Variants in TRIP4 observed in about 807,000 individuals in gnomAD.
The protein encoded by TRIP4 is activating signal cointegrator 1.
Under a neutral mutation model 81.8 loss-of-function variants are expected in TRIP4, and 54 were observed. The observed-to-expected ratio is 0.66, with a 90% confidence interval of 0.53 to 0.83. The LOEUF is 0.83. TRIP4 is among the 40% of genes least tolerant of loss of function. The probability of loss-of-function intolerance (pLI) is 0.00; values close to 1 mark genes in which losing one functional copy is unlikely to be tolerated. For missense variants in TRIP4, 662 were observed against 683.6 expected (o/e 0.97, Z 0.35); for synonymous variants, 270 against 242.8 (o/e 1.11, Z -1.04).
intron 12 of TRIP4, 101 bp from the exon 13 acceptor site, chr15:64,454,896 A>G (rs1892851334): frequency 9.8e-7 from 1 of 1,020,632 alleles, no homozygotes. Flanking sequence ...AAGATAATTG[A>G]ATGTGACAGG....
rs989592467 is a variant in TRIP4, at chr15:64,446,354, A to G, written c.1678+1246A>G. ...ACCACTTCCCACATTTCTCTTCATTATTGGTTCCCAGAGTACAGCCTTGGC... is the reference window on the plus strand; with the variant it reads ...ACCACTTCCCACATTTCTCTTCATTGTTGGTTCCCAGAGTACAGCCTTGGC... On this transcript the variant is annotated intron_variant, in intron 12 of 12. Coordinates refer to ENST00000261884, the MANE Select transcript of TRIP4 (RefSeq NM_016213.5). Among the ~76,000 whole-genome samples the G allele has an allele frequency of 4.0e-5, 6 of 151,188 alleles. No individual in the cohort carries two copies. The East Asian group carries it at 1.2e-3, about 29-fold the overall frequency.
intron 12 of TRIP4, among the ~76,000 whole-genome samples, chr15:64,446,813 G>A (rs551559906): frequency 2.0e-4 from 31 of 151,574 alleles, no homozygotes; most frequent in African/African-American, 4.6e-4. Flanking sequence ...GTCTCAAAAC[G>A]CATATAGTGG....
intron 4 of TRIP4, 107 bp downstream of exon 4, chr15:64,397,925 G>C: frequency 7.2e-6 from 9 of 1,254,198 alleles, no homozygotes; most frequent in Non-Finnish European, 8.8e-6. Flanking sequence ...GGTTGAGACG[G>C]AGTCTCACTT....
At chr15:64,395,595 C>T (rs1306835155) in intron 3 of TRIP4, 64 bp downstream of exon 3, 1 of 1,528,514 alleles carries the variant, frequency 6.5e-7, no homozygotes, top group African/African-American at 1.4e-5. Flanking sequence ...TAATACATTT[C>T]AGAGAGCAAA....
At chr15:64,421,395 G>A (rs1892009871) in intron 9 of TRIP4, among the ~76,000 whole-genome samples, 2 of 150,644 alleles carry the variant, frequency 1.3e-5, no homozygotes, top group Non-Finnish European at 3.0e-5. Context: ...GGAGTGCAGT[G>A]GCATGATCTC....
At chr15:64,400,219 G>T (rs72741303) in intron 4 of TRIP4, among the ~76,000 whole-genome samples, 7,309 of 151,632 alleles carry the variant, frequency 0.048, 232 homozygotes, top group South Asian at 0.087. Flanking sequence ...GAGGAGGGAA[G>T]ACTGCTTGAG....
At chr15:64,436,982 C>T (rs1425768571) in intron 11 of TRIP4, among the ~76,000 whole-genome samples, 3 of 151,580 alleles carry the variant, frequency 2.0e-5, no homozygotes, top group Non-Finnish European at 4.4e-5. Context: ...GCTGGGATTA[C>T]AGGCATGAGC....
intron 7 of TRIP4, among the ~76,000 whole-genome samples, chr15:64,413,168 C>T (rs932732119): frequency 6.6e-6 from 1 of 152,074 alleles, no homozygotes; most frequent in African/African-American, 2.4e-5. Context: ...CCATAGAATA[C>T]TCTTCTGTGG....
intron 8 of TRIP4, among the ~76,000 whole-genome samples, chr15:64,416,669 T>G (rs1891897019): frequency 6.6e-6 from 1 of 152,200 alleles, no homozygotes; most frequent in Non-Finnish European, 1.5e-5. Context: ...TAGTCAATTC[T>G]GCCTTATGTT....
intron 8 of TRIP4, among the ~76,000 whole-genome samples, chr15:64,418,166 C>G (rs1891928157): frequency 2.6e-5 from 4 of 152,134 alleles, no homozygotes; most frequent in Admixed American, 2.0e-4. Flanking sequence ...GGCTGGAGTG[C>G]AGTGGCACAA....
chr15:64,434,434 G>A (rs1296411007), intron 11 of TRIP4, among the ~76,000 whole-genome samples: 6 of 151,364 alleles, frequency 4.0e-5, no homozygotes, highest in Non-Finnish European at 8.8e-5. Flanking sequence ...AGGTAGGTTT[G>A]TTCAGATGAT....
At chr15:64,446,110 T>C (rs2140314041) in intron 12 of TRIP4, among the ~76,000 whole-genome samples, 1 of 151,992 alleles carries the variant, frequency 6.6e-6, no homozygotes, top group East Asian at 2.0e-4. Context: ...CCGTCTCTAC[T>C]GAAAATACAA....
In TRIP4 at chr15:64,455,090, A is replaced by C. The variant is rs764515693; in HGVS notation, c.*26A>C. The C allele has an allele frequency of 6.2e-7, 1 of 1,607,720 alleles. No homozygotes were observed. The highest frequency in any genetic ancestry group is 8.5e-7 in the Non-Finnish European group (1 of 1,176,140). The stretch of plus-strand genomic sequence containing the variant: ...CCCAGGAGAAAAGGAACTATACAGC[A>C]TAGTGGAGTTTTGTGTACTAAAATT... On this transcript the variant is annotated 3_prime_UTR_variant, in exon 13 of 13. Transcript: ENST00000261884.
chr15:64,393,962 G>A lies in TRIP4; in HGVS notation c.118G>A (p.Glu40Lys). The change falls in exon 2 of 13, where the codon GAG (glutamate) becomes AAG (lysine). Residue 40 changes from glutamate (E) to lysine (K), a missense_variant. Physicochemically the swap from Glu to Lys is moderately conservative, Grantham distance 56. Coordinates refer to ENST00000261884, the MANE Select transcript of TRIP4 (RefSeq NM_016213.5). ...CCTCCTGAGGTACGTTTTGTCAATT[G>A]AGAGTGCTGAAGAGATACGAGAATA... ...EEIIQYVLSI[E>K]SAEEIREYVT... 1.3e-6 allele frequency: 2 copies of A among 1,587,520 alleles called. No homozygotes were observed. Among genetic ancestry groups the A allele is most frequent in the East Asian group, 2.3e-5 (1 of 43,756 alleles).
intron 3 of TRIP4, among the ~76,000 whole-genome samples, chr15:64,396,157 C>A (rs1263957264): frequency 6.6e-6 from 1 of 152,024 alleles, no homozygotes; most frequent in Non-Finnish European, 1.5e-5. Context: ...AATCCACCCA[C>A]CTTGGCCTCC....
chr15:64,450,319 G>A (rs2140317007), intron 12 of TRIP4, among the ~76,000 whole-genome samples: 1 of 151,416 alleles, frequency 6.6e-6, no homozygotes, highest in South Asian at 2.1e-4. Context: ...AACCCGGGAG[G>A]CGGAGCTTGC....
Position 64,450,732 on chromosome 15 carries a change from T to C in TRIP4, c.1679-4265T>C, listed in dbSNP as rs1218974061. On this transcript the variant is annotated intron_variant, in intron 12 of 12. Transcript: ENST00000261884. Reference sequence around the variant, plus strand: ...CCTGGAAATCCTTGTTCCTCTTGTATCTTGTTTCTCCTATTAGCTTTCCAT... The same window carrying C: ...CCTGGAAATCCTTGTTCCTCTTGTACCTTGTTTCTCCTATTAGCTTTCCAT... 6.6e-6 allele frequency: 3 copies of C among 455,962 alleles called. No homozygotes were observed. In the Admixed American group the frequency reaches 7.1e-5, roughly 11 times the overall value. The allele number at this position is 455,962 out of a possible 1,614,324, so 28.2% of individuals were successfully genotyped here.
At chr15:64,420,017 T>C (rs1891975202) in intron 9 of TRIP4, among the ~76,000 whole-genome samples, 1 of 151,998 alleles carries the variant, frequency 6.6e-6, no homozygotes, top group Admixed American at 6.6e-5. Context: ...GGTTTCACCA[T>C]GTTGGCCAGG....
intron 7 of TRIP4, among the ~76,000 whole-genome samples, chr15:64,412,084 C>T (rs1372196672): frequency 3.3e-5 from 5 of 152,118 alleles, no homozygotes; most frequent in African/African-American, 7.2e-5. Flanking sequence ...CATTTTCAGA[C>T]ATGAAAAATA....
Sources: allele counts gnomAD v4.1 joint callset (sites outside exome capture counted in the v4.1 genomes callset), GRCh38; gene constraint gnomAD v4.1.1; transcripts MANE v1.5; gene names NCBI Gene and HGNC (gene_info 2026-07-23, HGNC 2026-07-21).